Variants in LYSMD1 observed in about 807,000 individuals in gnomAD.
LYSMD1 encodes LysM domain containing 1.
In LYSMD1, 9 loss-of-function variants were observed where a neutral mutation model predicts 19.3. That is an observed-to-expected ratio of 0.47 (90% CI 0.28 to 0.81). The LOEUF is 0.81. Among genes scored for constraint, LYSMD1 ranks in the 40% least tolerant of loss-of-function variants. The pLI is 0.11. For synonymous variants in LYSMD1, 111 were observed against 111.7 expected (o/e 0.99, Z 0.04); for missense variants, 262 against 279.8 (o/e 0.94, Z 0.45).
At chr1:151,159,405 C>T, downstream of LYSMD1, 2 of 761,990 alleles carry the variant, frequency 2.6e-6, no homozygotes, top group South Asian at 1.9e-5. Context: ...GAGACCAGCC[C>T]ACCCCCAAAC....
At chr1:151,161,481 A>C (rs1268611953) in intron 2 of LYSMD1, among the ~76,000 whole-genome samples, 1 of 150,580 alleles carries the variant, frequency 6.6e-6, no homozygotes, top group African/African-American at 2.5e-5. Context: ...TGGGCAACAG[A>C]GCAAGACCCC....
chr1:151,158,652 G>C, downstream of LYSMD1: 4 of 1,470,662 alleles, frequency 2.7e-6, no homozygotes, highest in Non-Finnish European at 3.7e-6. Flanking sequence ...GGAAGCCTGT[G>C]GCCTTTCTTC....
chr1:151,152,731 A>G, the LYSMD1 span, among the ~76,000 whole-genome samples: 6 of 152,240 alleles, frequency 3.9e-5, no homozygotes, highest in African/African-American at 1.4e-4. Context: ...CCAAACAAAA[A>G]AAGAGTAAAA....
At position 151,165,618 on chromosome 1, in the gene LYSMD1, G is replaced by T. The variant is rs1341249334; in HGVS notation, c.-360C>A. On this transcript the variant is annotated 5_prime_UTR_variant, in exon 1 of 3. Transcript: ENST00000368908. ...TGCCCCCAAGTAGCCTGGCCTCAGG[G>T]CGCTCCAACATCCCAGCTCTCCCCG... The T allele has an allele frequency of 1.3e-6, 2 of 1,533,184 alleles. No homozygotes were observed. Among genetic ancestry groups the T allele is most frequent in the Non-Finnish European group, 1.8e-6 (2 of 1,141,368 alleles). The allele number at this position is 1,533,184 out of a possible 1,614,324, so 95.0% of individuals were successfully genotyped here.
downstream of LYSMD1, chr1:151,158,679 A>G (rs1197433222): frequency 1.3e-6 from 2 of 1,555,556 alleles, no homozygotes; most frequent in Non-Finnish European, 1.7e-6. Flanking sequence ...CTGACCACAT[A>G]CCCCACTCTC....
At chr1:151,163,914 C>G (rs1241872960) in intron 1 of LYSMD1, among the ~76,000 whole-genome samples, 2 of 143,908 alleles carry the variant, frequency 1.4e-5, no homozygotes, top group South Asian at 2.1e-4. Flanking sequence ...GTGTGTGTGT[C>G]TCACTCTGTT....
At chr1:151,163,700 G>A (rs1683539088) in intron 1 of LYSMD1, among the ~76,000 whole-genome samples, 1 of 151,870 alleles carries the variant, frequency 6.6e-6, no homozygotes, top group African/African-American at 2.4e-5. Flanking sequence ...GCTAATTTTT[G>A]TATTTGTTGT....
At chr1:151,155,388 C>T (rs587761427), downstream of LYSMD1, among the ~76,000 whole-genome samples, 3 of 152,304 alleles carry the variant, frequency 2.0e-5, no homozygotes, top group East Asian at 3.9e-4. Flanking sequence ...TTATTTCCCT[C>T]GCCAGATTCC....
At chr1:151,159,137 T>C (rs779260884), downstream of LYSMD1, 1 of 1,614,214 alleles carries the variant, frequency 6.2e-7, no homozygotes, top group Non-Finnish European at 8.5e-7. Flanking sequence ...CGCCACGTGT[T>C]TGATCACTTC....
chr1:151,161,792 T>G lies in LYSMD1; in HGVS notation c.489A>C (p.Ser163=). The G allele has an allele frequency of 6.2e-7, 1 of 1,613,070 alleles. No individual in the cohort carries two copies. Among genetic ancestry groups the G allele is most frequent in the Non-Finnish European group, 8.5e-7 (1 of 1,179,734 alleles). ...SASDFLKKLD[S]QISLSKKAAA... is the part of the protein sequence containing the mutation. ...CAGCCTTCTTGGACAGGCTGATCTG[T>G]GAATCAAGCTTCTTAAGGAAATCAG... The change falls in exon 2 of 3, where the codon TCA becomes TCC. Residue 163 remains serine (S), a synonymous_variant. Coordinates refer to ENST00000368908, the MANE Select transcript of LYSMD1 (RefSeq NM_212551.5).
intron 1 of LYSMD1, among the ~76,000 whole-genome samples, chr1:151,163,237 T>G (rs754235582): frequency 2.0e-5 from 3 of 152,034 alleles, no homozygotes; most frequent in Non-Finnish European, 4.4e-5. Flanking sequence ...TCTTCAGGGC[T>G]CCCAATGCAT....
At chr1:151,148,917 T>A in the LYSMD1 span, among the ~76,000 whole-genome samples, 148 of 151,400 alleles carry the variant, frequency 9.8e-4, no homozygotes, top group African/African-American at 3.5e-3. Flanking sequence ...GACGTCATTT[T>A]AAATTCTTGA....
chr1:151,163,458 T>C (rs992315866), intron 1 of LYSMD1, among the ~76,000 whole-genome samples: 2 of 152,148 alleles, frequency 1.3e-5, no homozygotes, highest in African/African-American at 2.4e-5. Context: ...CTTATAATTA[T>C]GTAATTATTA....
At chr1:151,152,475 G>A in the LYSMD1 span, among the ~76,000 whole-genome samples, 1 of 151,760 alleles carries the variant, frequency 6.6e-6, no homozygotes, top group Non-Finnish European at 1.5e-5. Flanking sequence ...GCCGAGCTGG[G>A]CGAATCATGA....
At chr1:151,163,379 A>C (rs12097169) in intron 1 of LYSMD1, among the ~76,000 whole-genome samples, 32,951 of 151,938 alleles carry the variant, frequency 0.22, 7,620 homozygotes, top group African/African-American at 0.59. Context: ...TATCCCCAGG[A>C]AGTCATTAGC....
At chr1:151,151,280 C>G in the LYSMD1 span, among the ~76,000 whole-genome samples, 1 of 151,910 alleles carries the variant, frequency 6.6e-6, no homozygotes, top group Non-Finnish European at 1.5e-5. Context: ...AGTTCCGCCT[C>G]CCGGGTTCAC....
intron 1 of LYSMD1, among the ~76,000 whole-genome samples, chr1:151,163,359 G>A (rs779302207): frequency 1.3e-5 from 2 of 151,936 alleles, no homozygotes; most frequent in Non-Finnish European, 2.9e-5. Flanking sequence ...ATTGTGACTT[G>A]CTGTCTCTGT....
the LYSMD1 span, among the ~76,000 whole-genome samples, chr1:151,150,625 C>G: frequency 6.6e-6 from 1 of 152,144 alleles, no homozygotes; most frequent in South Asian, 2.1e-4. Flanking sequence ...CTTCTTTTGG[C>G]TCCTGAGGTC....
At position 151,165,644 on chromosome 1, in the gene LYSMD1, G is replaced by C; in HGVS notation, c.-386C>G. ...CGCTCCAACATCCCAGCTCTCCCCG[G>C]TCCCGGGGTTTGTTTGCTAGAGTCA... On this transcript the variant is annotated 5_prime_UTR_variant, in exon 1 of 3. Coordinates refer to ENST00000368908, the MANE Select transcript of LYSMD1 (RefSeq NM_212551.5). 1.3e-6 allele frequency: 2 copies of C among 1,546,974 alleles called. No homozygotes were observed. The highest frequency in any genetic ancestry group is 3.9e-5 in the Admixed American group (2 of 50,958).
Sources: gnomAD v4.1 joint callset for allele counts (sites outside exome capture counted in the v4.1 genomes callset) on GRCh38, gnomAD v4.1.1 for gene constraint, MANE v1.5 for transcripts, NCBI Gene and HGNC (gene_info 2026-07-23, HGNC 2026-07-21) for gene names.